Variants in PVT1 observed in about 807,000 individuals in gnomAD.
The protein encoded by PVT1 is Pvt1 oncogene.
intron 4 of PVT1, among the ~76,000 whole-genome samples, chr8:128,051,678 T>C (rs1813697842): frequency 6.6e-6 from 1 of 152,214 alleles, no homozygotes; most frequent in Non-Finnish European, 1.5e-5. Flanking sequence ...TGGCCTGTCT[T>C]TGACCTCATT....
At chr8:127,820,323 A>T (rs1006225486) in intron 2 of PVT1, among the ~76,000 whole-genome samples, 2 of 152,212 alleles carry the variant, frequency 1.3e-5, no homozygotes, top group African/African-American at 4.8e-5. Flanking sequence ...CCTTCTCCCC[A>T]AATTGACAAA....
At position 128,061,196 on chromosome 8, in the gene PVT1, A is replaced by C. The variant is rs1563677998; in HGVS notation, n.913-8964A>C. ...AATGCTGGGATTACAGACGTGAGCC[A>C]CCATGCCTGGCCATGGATTCGCCTA... is the stretch of plus-strand genomic sequence containing the variant. On this transcript the variant is annotated intron_variant and non_coding_transcript_variant, in intron 4 of 10. Coordinates refer to ENST00000651587, the Ensembl canonical transcript of PVT1. Among the ~76,000 whole-genome samples the C allele has an allele frequency of 2.0e-5, 3 of 152,334 alleles. 1 individual carries two copies. Among genetic ancestry groups the C allele is most frequent in the South Asian group, 4.1e-4 (2 of 4,828 alleles).
At chr8:127,954,234 G>C (rs1816542020) in intron 3 of PVT1, among the ~76,000 whole-genome samples, 1 of 151,210 alleles carries the variant, frequency 6.6e-6, no homozygotes, top group Admixed American at 6.6e-5. Context: ...CAGATGCTTT[G>C]TGATGAAATT....
At chr8:127,843,217 G>A in intron 2 of PVT1, among the ~76,000 whole-genome samples, 1 of 152,120 alleles carries the variant, frequency 6.6e-6, no homozygotes. Context: ...TTAGCTGAGT[G>A]TGATGGTGCA....
intron 2 of PVT1, among the ~76,000 whole-genome samples, chr8:127,813,193 A>AAT (rs1237068265): frequency 1.4e-5 from 2 of 144,338 alleles, no homozygotes. Flanking sequence ...AATATATACA[A>AAT]ATATATATAA....
At chr8:127,955,714 C>G (rs1419802748) in intron 3 of PVT1, among the ~76,000 whole-genome samples, 1 of 152,140 alleles carries the variant, frequency 6.6e-6, no homozygotes, top group Non-Finnish European at 1.5e-5. Flanking sequence ...TCCCGAGTAG[C>G]TGGGATTACA....
chr8:127,814,996 T>G (rs530961093), intron 2 of PVT1, among the ~76,000 whole-genome samples: 9 of 152,196 alleles, frequency 5.9e-5, no homozygotes, highest in African/African-American at 1.2e-4. Flanking sequence ...AGACAGAATC[T>G]TGTTCTGTTG....
intron 4 of PVT1, among the ~76,000 whole-genome samples, chr8:128,040,087 A>C (rs1813513022): frequency 6.6e-6 from 1 of 152,246 alleles, no homozygotes; most frequent in African/African-American, 2.4e-5. Context: ...AAGTGGAGAC[A>C]GTAAGGAGGC....
chr8:127,990,347 A>G (rs1425317935), intron 4 of PVT1, among the ~76,000 whole-genome samples: 1 of 152,252 alleles, frequency 6.6e-6, no homozygotes, highest in African/African-American at 2.4e-5. Context: ...TGTCTTACAC[A>G]TCACAGGATC....
intron 2 of PVT1, among the ~76,000 whole-genome samples, chr8:127,806,350 A>C (rs1020483216): frequency 6.6e-6 from 1 of 152,136 alleles, no homozygotes; most frequent in Non-Finnish European, 1.5e-5. Flanking sequence ...AGTCCCAGCT[A>C]CTTGGGAGGC....
intron 3 of PVT1, among the ~76,000 whole-genome samples, chr8:127,977,915 C>T (rs1816839241): frequency 6.6e-6 from 1 of 152,166 alleles, no homozygotes; most frequent in Non-Finnish European, 1.5e-5. Context: ...TTCTCACCCA[C>T]GTCCGTGGTG....
intron 4 of PVT1, among the ~76,000 whole-genome samples, chr8:128,014,360 C>T (rs571284068): frequency 3.3e-4 from 51 of 152,324 alleles, no homozygotes; most frequent in Admixed American, 8.5e-4. Context: ...GCTGAAACAA[C>T]GCTCCCTCAT....
chr8:127,882,811 C>T (rs1815483268), intron 2 of PVT1, among the ~76,000 whole-genome samples: 1 of 152,118 alleles, frequency 6.6e-6, no homozygotes. Flanking sequence ...CTTCACAATC[C>T]TGAGAGAAAG....
intron 3 of PVT1, among the ~76,000 whole-genome samples, chr8:127,916,185 G>A (rs911743806): frequency 6.6e-6 from 1 of 152,232 alleles, no homozygotes; most frequent in Non-Finnish European, 1.5e-5. Context: ...CTTATCTGAT[G>A]TCTTCCCTGG....
At chr8:128,101,029 A>AC in intron 6 of PVT1, 1 of 152,112 alleles carries the variant, frequency 6.6e-6, no homozygotes, top group Non-Finnish European at 1.5e-5. Flanking sequence ...TTATGGCTCC[A>AC]CCCAGAAGCA....
chr8:127,913,142 G>A (rs567475773), intron 3 of PVT1, among the ~76,000 whole-genome samples: 1 of 152,152 alleles, frequency 6.6e-6, no homozygotes, highest in East Asian at 1.9e-4. Flanking sequence ...GAGCCACCAC[G>A]CTTGGCCTCT....
intron 4 of PVT1, among the ~76,000 whole-genome samples, chr8:128,020,669 A>C (rs1235586414): frequency 6.6e-6 from 1 of 152,262 alleles, no homozygotes; most frequent in Non-Finnish European, 1.5e-5. Context: ...ATGAACCAGG[A>C]GCAGGGAAAC....
At chr8:127,862,767 A>G (rs1815242037) in intron 2 of PVT1, among the ~76,000 whole-genome samples, 2 of 152,136 alleles carry the variant, frequency 1.3e-5, no homozygotes, top group Middle Eastern at 3.2e-3. Context: ...TTCTTTGACT[A>G]CTGGTGTGGT....
chr8:127,872,707 G>A (rs1815364279), intron 2 of PVT1, among the ~76,000 whole-genome samples: 1 of 152,212 alleles, frequency 6.6e-6, no homozygotes, highest in African/African-American at 2.4e-5. Flanking sequence ...TTCAATGGAA[G>A]CATCCAGAAA....
Sources: allele counts gnomAD v4.1 joint callset (sites outside exome capture counted in the v4.1 genomes callset), GRCh38; gene constraint gnomAD v4.1.1; transcripts MANE v1.5; gene names NCBI Gene and HGNC (gene_info 2026-07-23, HGNC 2026-07-21).